The following ADGRL3 variants were observed in gnomAD, a reference collection of about 807,000 sequenced individuals.
ADGRL3 encodes calcium-independent alpha-latrotoxin receptor 3.
In ADGRL3, 62 loss-of-function variants were observed where a neutral mutation model predicts 153.5. The ratio of observed to expected loss-of-function variants is 0.40; its 90% CI spans 0.33 to 0.50. ADGRL3 has a LOEUF of 0.50. ADGRL3 is among the 20% of genes least tolerant of loss of function. The pLI, the probability that ADGRL3 is intolerant of heterozygous loss-of-function variation, is 0.47. For missense variants in ADGRL3, 1,641 were observed against 1,859.4 expected (o/e 0.88, Z 2.16); for synonymous variants, 710 against 672.5 (o/e 1.06, Z -0.86).
chr4:61,744,983 T>C (rs1255846932), intron 8 of ADGRL3, among the ~76,000 whole-genome samples: 2 of 151,420 alleles, frequency 1.3e-5, no homozygotes, highest in Non-Finnish European at 2.9e-5. Flanking sequence ...TTTAGGCGAG[T>C]GTATAACTAG....
chr4:61,820,757 T>G (rs1489690816), intron 9 of ADGRL3, among the ~76,000 whole-genome samples: 1 of 152,184 alleles, frequency 6.6e-6, no homozygotes, highest in African/African-American at 2.4e-5. Context: ...ATGGCAGATT[T>G]GTAAATAAGT....
intron 5 of ADGRL3, among the ~76,000 whole-genome samples, chr4:61,597,064 A>G (rs1400872866): frequency 3.3e-5 from 5 of 151,896 alleles, no homozygotes; most frequent in Non-Finnish European, 5.9e-5. Flanking sequence ...TAATTTCAAT[A>G]TATAAATATA....
intron 2 of ADGRL3, among the ~76,000 whole-genome samples, chr4:61,448,773 AAGGAGGG>A: frequency 5.1e-5 from 1 of 19,584 alleles, no homozygotes; most frequent in Non-Finnish European, 2.0e-4. Flanking sequence ...GAAGAGAGGG[AAGGAGGG>A]AAGGAGGGAG....
At chr4:61,990,975 TG>T (rs2099101765) in intron 19 of ADGRL3, among the ~76,000 whole-genome samples, 1 of 151,300 alleles carries the variant, frequency 6.6e-6, no homozygotes, top group African/African-American at 2.4e-5. Flanking sequence ...TGTGTGTGTG[TG>T]TGTGTGTGTG....
At chr4:62,028,093 G>A (rs564808943) in intron 21 of ADGRL3, among the ~76,000 whole-genome samples, 5 of 151,746 alleles carry the variant, frequency 3.3e-5, no homozygotes, top group African/African-American at 1.2e-4. Context: ...AGAAGAGAAA[G>A]GAACAGTTTC....
intron 1 of ADGRL3, among the ~76,000 whole-genome samples, chr4:61,328,580 G>A (rs544794602): frequency 4.8e-4 from 73 of 152,104 alleles, no homozygotes; most frequent in Non-Finnish European, 1.0e-3. Flanking sequence ...TGCAAGTATA[G>A]ATTTTTAAAC....
chr4:61,404,941 A>T (rs1487754820), intron 2 of ADGRL3, among the ~76,000 whole-genome samples: 2 of 152,094 alleles, frequency 1.3e-5, no homozygotes, highest in East Asian at 3.9e-4. Flanking sequence ...TAAGAATATC[A>T]TTTAAAATGA....
intron 1 of ADGRL3, among the ~76,000 whole-genome samples, chr4:61,279,849 A>G (rs1000867835): frequency 1.3e-5 from 2 of 152,138 alleles, no homozygotes; most frequent in African/African-American, 2.4e-5. Context: ...AATATGTGAT[A>G]TGGCCAAGTC....
chr4:61,595,921 C>A (rs192651006), intron 5 of ADGRL3, among the ~76,000 whole-genome samples: 1 of 152,220 alleles, frequency 6.6e-6, no homozygotes, highest in Admixed American at 6.5e-5. Flanking sequence ...TGGTTTAATT[C>A]TCTGCTGTGA....
chr4:61,846,472 T>A (rs2098117783), intron 9 of ADGRL3, among the ~76,000 whole-genome samples: 1 of 152,140 alleles, frequency 6.6e-6, no homozygotes, highest in African/African-American at 2.4e-5. Flanking sequence ...CATCTAGCCT[T>A]CTGTTAATGT....
At chr4:61,235,452 G>A (rs950596116) in intron 1 of ADGRL3, among the ~76,000 whole-genome samples, 2 of 152,158 alleles carry the variant, frequency 1.3e-5, no homozygotes, top group African/African-American at 4.8e-5. Flanking sequence ...ATACTGTAGT[G>A]TATTAGAGCT....
chr4:61,698,801 C>T (rs1317716004), intron 6 of ADGRL3, among the ~76,000 whole-genome samples: 1 of 152,158 alleles, frequency 6.6e-6, no homozygotes, highest in African/African-American at 2.4e-5. Flanking sequence ...ATTACATAGG[C>T]TTCCCGAAAA....
chr4:61,794,523 T>A (rs1393743994), intron 8 of ADGRL3, among the ~76,000 whole-genome samples: 2 of 149,474 alleles, frequency 1.3e-5, no homozygotes, highest in African/African-American at 2.6e-5. Flanking sequence ...ATGAGTGATA[T>A]TTTTCTGTGA....
intron 3 of ADGRL3, among the ~76,000 whole-genome samples, chr4:61,498,099 CA>C (rs2098341085): frequency 6.6e-6 from 1 of 152,078 alleles, no homozygotes; most frequent in Non-Finnish European, 1.5e-5. Context: ...CCCACTTATT[CA>C]AAAGTATCTG....
chr4:61,420,807 A>AAAT (rs1002335377), intron 2 of ADGRL3: 9 of 151,298 alleles, frequency 5.9e-5, no homozygotes, highest in Admixed American at 2.0e-4. Flanking sequence ...AAAAAAAAAA[A>AAAT]GTCTACTTAC....
intron 1 of ADGRL3, among the ~76,000 whole-genome samples, chr4:61,209,719 T>C (rs1739016583): frequency 6.6e-6 from 1 of 152,136 alleles, no homozygotes; most frequent in Non-Finnish European, 1.5e-5. Context: ...GACAGAAAAA[T>C]ATTTTTGACA....
intron 8 of ADGRL3, among the ~76,000 whole-genome samples, chr4:61,738,297 A>G (rs952329841): frequency 6.6e-6 from 1 of 152,018 alleles, no homozygotes; most frequent in Admixed American, 6.6e-5. Context: ...TATTTATATC[A>G]CAGTTTTTTT....
At chr4:61,442,974 C>T (rs577728317) in intron 2 of ADGRL3, among the ~76,000 whole-genome samples, 27 of 152,114 alleles carry the variant, frequency 1.8e-4, no homozygotes, top group Admixed American at 3.3e-4. Context: ...AATTTTTGTT[C>T]TAAGTTATGT....
At chr4:62,047,774 A>G (rs1731897285) in intron 25 of ADGRL3, among the ~76,000 whole-genome samples, 2 of 152,148 alleles carry the variant, frequency 1.3e-5, no homozygotes, top group Admixed American at 1.3e-4. Context: ...ATTTTCAAAT[A>G]TTTTTCTCCA....
Sources: gnomAD v4.1 joint callset for allele counts (sites outside exome capture counted in the v4.1 genomes callset) on GRCh38, gnomAD v4.1.1 for gene constraint, MANE v1.5 for transcripts, NCBI Gene and HGNC (gene_info 2026-07-23, HGNC 2026-07-21) for gene names.